DACH2: variants seen among roughly 807,000 people sequenced by gnomAD.
DACH2 encodes the protein dachshund family transcription factor 2, also known as dachshund homolog 2.
Under a neutral mutation model 35.8 loss-of-function variants are expected in DACH2, and 17 were observed. The observed-to-expected ratio is 0.48, with a 90% confidence interval of 0.33 to 0.71. The LOEUF (loss-of-function observed/expected upper bound fraction) is 0.71. Ranked by LOEUF, DACH2 falls within the 30% of genes least tolerant of loss-of-function variation. The pLI is 0.02. For missense variants in DACH2, 469 were observed against 472.7 expected (o/e 0.99, Z 0.07); for synonymous variants, 195 against 177.3 (o/e 1.10, Z -0.79).
chrX:86,161,749 G>A (rs1467954127), intron 1 of DACH2, among the ~76,000 whole-genome samples: 3 of 111,986 alleles, frequency 2.7e-5, no homozygotes, highest in Admixed American at 1.9e-4. Context: ...ATTGGTATAC[G>A]TACATTTGAT....
intron 7 of DACH2, among the ~76,000 whole-genome samples, chrX:86,740,691 A>G (rs752094081): frequency 9.1e-6 from 1 of 109,861 alleles, no homozygotes; most frequent in African/African-American, 3.3e-5. Context: ...GTCTGGCACT[A>G]ACTAGCTGTA....
chrX:86,470,766 T>G (rs1169630398), intron 2 of DACH2, among the ~76,000 whole-genome samples: 1 of 111,202 alleles, frequency 9.0e-6, no homozygotes, highest in Non-Finnish European at 1.9e-5. Flanking sequence ...AAAACTGCAC[T>G]TGTACTCCCC....
At chrX:86,308,173 T>C (rs759652126) in intron 1 of DACH2, among the ~76,000 whole-genome samples, 3 of 112,576 alleles carry the variant, frequency 2.7e-5, no homozygotes, top group African/African-American at 9.7e-5. Context: ...ACCCATGCCT[T>C]GTGAAATAGA....
intron 2 of DACH2, among the ~76,000 whole-genome samples, chrX:86,441,871 A>G (rs191522461): frequency 0.18 from 13,042 of 71,003 alleles, 824 homozygotes; most frequent in East Asian, 0.25. Flanking sequence ...GTGTGTGTGT[A>G]TATATATATA....
At chrX:86,408,708 G>A (rs1201031876) in intron 2 of DACH2, among the ~76,000 whole-genome samples, 2 of 111,301 alleles carry the variant, frequency 1.8e-5, no homozygotes, top group African/African-American at 3.3e-5. Context: ...TCTCTTTCTC[G>A]GATATGCACT....
At chrX:86,819,747 T>G (rs1394149767) in intron 11 of DACH2, among the ~76,000 whole-genome samples, 3 of 111,453 alleles carry the variant, frequency 2.7e-5, no homozygotes, top group African/African-American at 9.8e-5. Context: ...CTTGGAGACC[T>G]AAAAACCCTC....
At chrX:86,821,890 G>C (rs2042516510) in intron 11 of DACH2, among the ~76,000 whole-genome samples, 1 of 111,885 alleles carries the variant, frequency 8.9e-6, no homozygotes, top group South Asian at 3.7e-4. Flanking sequence ...TGCCAGCCAT[G>C]ATAAGTTGTT....
At chrX:86,636,740 C>T (rs1312432761) in intron 3 of DACH2, among the ~76,000 whole-genome samples, 2 of 110,489 alleles carry the variant, frequency 1.8e-5, no homozygotes, top group African/African-American at 6.6e-5. Context: ...AATGTAACAC[C>T]CCAAACTATA....
At chrX:86,315,788 G>GACACACAC (rs774427717) in intron 1 of DACH2, among the ~76,000 whole-genome samples, 7 of 78,501 alleles carry the variant, frequency 8.9e-5, no homozygotes, top group Non-Finnish European at 1.7e-4. Flanking sequence ...GAGGGTCGTG[G>GACACACAC]ACACACACAC....
chrX:86,772,758 C>T (rs1044505922), intron 7 of DACH2, among the ~76,000 whole-genome samples: 2 of 111,251 alleles, frequency 1.8e-5, no homozygotes, highest in South Asian at 3.8e-4. Flanking sequence ...TGTTCCAAAG[C>T]GGCTTCCATA....
intron 1 of DACH2, among the ~76,000 whole-genome samples, chrX:86,285,837 T>C (rs1053706416): frequency 5.4e-5 from 6 of 111,391 alleles, no homozygotes; most frequent in African/African-American, 1.6e-4. Context: ...CTTTATACAT[T>C]TCGGTGCTCC....
intron 1 of DACH2, among the ~76,000 whole-genome samples, chrX:86,285,629 C>T (rs1261640076): frequency 9.0e-6 from 1 of 111,640 alleles, no homozygotes; most frequent in Non-Finnish European, 1.9e-5. Flanking sequence ...GAGGAATGTG[C>T]ATTCTGCAGC....
At chrX:86,571,701 G>A (rs2039371939) in intron 3 of DACH2, among the ~76,000 whole-genome samples, 1 of 64,974 alleles carries the variant, frequency 1.5e-5, no homozygotes. Context: ...ATCGGGTAAC[G>A]CAAGATTTTT....
chrX:86,255,340 T>G (rs1245512132), intron 1 of DACH2, among the ~76,000 whole-genome samples: 1 of 111,714 alleles, frequency 9.0e-6, no homozygotes, highest in African/African-American at 3.3e-5. Context: ...TGGTAATAGT[T>G]CTATATGTCT....
At chrX:86,661,797 A>C (rs1313635841) in intron 4 of DACH2, among the ~76,000 whole-genome samples, 1 of 112,234 alleles carries the variant, frequency 8.9e-6, no homozygotes, top group Non-Finnish European at 1.9e-5. Flanking sequence ...TGTACATTAC[A>C]TATTCACAGA....
At chrX:86,691,311 T>C (rs1302349424) in intron 4 of DACH2, among the ~76,000 whole-genome samples, 7 of 111,597 alleles carry the variant, frequency 6.3e-5, no homozygotes, top group African/African-American at 2.0e-4. Context: ...TAGCTAAGGC[T>C]TTTAAGGAGG....
At chrX:86,428,178 A>G (rs1334442360) in intron 2 of DACH2, among the ~76,000 whole-genome samples, 1 of 111,852 alleles carries the variant, frequency 8.9e-6, no homozygotes, top group Non-Finnish European at 1.9e-5. Context: ...TTATATTACA[A>G]AATTTACAAA....
At chrX:86,274,750 G>A (rs973429092) in intron 1 of DACH2, among the ~76,000 whole-genome samples, 2 of 109,666 alleles carry the variant, frequency 1.8e-5, no homozygotes. Flanking sequence ...TGCCCACCTC[G>A]GCCTCCCAAA....
At chrX:86,265,666 A>G (rs1448867441) in intron 1 of DACH2, among the ~76,000 whole-genome samples, 1 of 111,629 alleles carries the variant, frequency 9.0e-6, no homozygotes, top group Non-Finnish European at 1.9e-5. Flanking sequence ...CTTGTGAAAG[A>G]GTTGGTGCCT....
Sources: gnomAD v4.1 joint callset for allele counts (sites outside exome capture counted in the v4.1 genomes callset) on GRCh38, gnomAD v4.1.1 for gene constraint, MANE v1.5 for transcripts, NCBI Gene and HGNC (gene_info 2026-07-23, HGNC 2026-07-21) for gene names.